TRPM1: variants seen among roughly 807,000 people sequenced by gnomAD.
TRPM1 encodes TRPM1-203 APA Isoform, Intron 10.
A neutral mutation model predicts 149.4 loss-of-function variants in TRPM1; 113 were observed. That is an observed-to-expected ratio of 0.76 (90% CI 0.65 to 0.88). The LOEUF (loss-of-function observed/expected upper bound fraction) is 0.88, where lower values mean the gene tolerates loss of function less well. TRPM1 is among the 40% of genes least tolerant of loss of function. The probability of loss-of-function intolerance (pLI) is 0.00; values close to 1 mark genes in which losing one functional copy is unlikely to be tolerated. For missense variants in TRPM1, 1,976 were observed against 2,038.7 expected, an observed-to-expected ratio of 0.97 and a Z score of 0.59; for synonymous variants, 741 against 759.5, an observed-to-expected ratio of 0.98 and a Z score of 0.40.
chr15:31,050,726 G>A (rs1283217999), intron 11 of TRPM1, 144 bp from the exon 12 acceptor site: 1 of 860,108 alleles, frequency 1.2e-6, no homozygotes, highest in Non-Finnish European at 1.9e-6. Context: ...CCCACACAGT[G>A]CACACATATG....
At chr15:31,066,396 A>G in intron 6 of TRPM1, 149 bp from the exon 7 acceptor site, 1 of 870,444 alleles carries the variant, frequency 1.1e-6, no homozygotes, top group Admixed American at 2.0e-5. Context: ...TATTTTTGCC[A>G]ATTGTTACAT....
chr15:31,088,315 C>G (rs2035061065), intron 1 of TRPM1, among the ~76,000 whole-genome samples: 1 of 152,254 alleles, frequency 6.6e-6, no homozygotes, highest in African/African-American at 2.4e-5. Flanking sequence ...CCAGCCCTGG[C>G]AATCCGCTCG....
Position 31,040,223 on chromosome 15 carries a change from G to A in TRPM1, c.2211C>T (p.Ala737=), listed in dbSNP as rs1197647004. Reference sequence around the variant, plus strand: ...TGAAGTCCCGGTGTTTGGCTGCCACGGCCAGTTTGAGGCAGGTCGAGTTGC... The same window carrying A: ...TGAAGTCCCGGTGTTTGGCTGCCACAGCCAGTTTGAGGCAGGTCGAGTTGC... The part of the protein sequence containing the change: ...NWSNSTCLKL[A]VAAKHRDFIA... The change falls in exon 18 of 28, where the codon GCC becomes GCT. Residue 737 remains alanine (A), a synonymous_variant. Transcript: ENST00000256552. The surrounding 1 kb of genome is among the most constrained non-coding windows in gnomAD (Gnocchi z 4.2). 10 of 1,614,224 alleles carry A rather than the reference G, an allele frequency of 6.2e-6. No homozygotes were observed. The highest frequency in any genetic ancestry group is 1.1e-5 in the South Asian group (1 of 91,084).
intron 27 of TRPM1, among the ~76,000 whole-genome samples, chr15:31,020,358 C>A (rs1166468141): frequency 6.6e-6 from 1 of 152,246 alleles, no homozygotes; most frequent in African/African-American, 2.4e-5. Flanking sequence ...ACACTAGCAT[C>A]TTTGAGGTCT....
intron 1 of TRPM1, among the ~76,000 whole-genome samples, chr15:31,101,329 C>T (rs951184009): frequency 6.6e-6 from 1 of 152,182 alleles, no homozygotes; most frequent in Non-Finnish European, 1.5e-5. Context: ...AGTACTTATC[C>T]CCTCTGTGAA....
chr15:31,029,889 T>C (rs2032984298), intron 23 of TRPM1, among the ~76,000 whole-genome samples: 1 of 151,908 alleles, frequency 6.6e-6, no homozygotes, highest in South Asian at 2.1e-4. Context: ...CCCAATTTAA[T>C]TTAAAAAAAA....
intron 16 of TRPM1, among the ~76,000 whole-genome samples, chr15:31,045,900 C>A (rs1466431063): frequency 6.6e-6 from 1 of 152,018 alleles, no homozygotes; most frequent in African/African-American, 2.4e-5. Flanking sequence ...CTATTGAATT[C>A]TTTTTGGTGT....
chr15:31,128,968 A>G (rs929338151), intron 1 of TRPM1, among the ~76,000 whole-genome samples: 1 of 152,212 alleles, frequency 6.6e-6, no homozygotes, highest in African/African-American at 2.4e-5. Context: ...AGAGTGCATC[A>G]TCTGCGCTTC....
At chr15:31,144,067 G>C (rs886868175) in intron 1 of TRPM1, among the ~76,000 whole-genome samples, 1 of 152,166 alleles carries the variant, frequency 6.6e-6, no homozygotes, top group African/African-American at 2.4e-5. Flanking sequence ...CGCAGGTGCA[G>C]GAATCTCAAT....
intron 1 of TRPM1, among the ~76,000 whole-genome samples, chr15:31,097,714 C>T (rs559305144): frequency 2.6e-5 from 4 of 152,248 alleles, no homozygotes; most frequent in African/African-American, 4.8e-5. Context: ...AAAATATTTC[C>T]GATGTGATCC....
At chr15:31,125,729 C>CAA (rs59878175) in intron 1 of TRPM1, among the ~76,000 whole-genome samples, 817 of 52,722 alleles carry the variant, frequency 0.015, 57 homozygotes, top group East Asian at 0.043. Flanking sequence ...GACTCCGTCT[C>CAA]AAAAAAAAAA....
At chr15:31,109,845 T>C (rs918586338) in intron 1 of TRPM1, among the ~76,000 whole-genome samples, 1 of 152,084 alleles carries the variant, frequency 6.6e-6, no homozygotes, top group African/African-American at 2.4e-5. Flanking sequence ...TCCTGTGAGC[T>C]GGAGCTTGGT....
intron 1 of TRPM1, among the ~76,000 whole-genome samples, chr15:31,140,597 C>A (rs970529800): frequency 6.6e-6 from 1 of 152,122 alleles, no homozygotes; most frequent in Non-Finnish European, 1.5e-5. Context: ...ATCCTTCTTG[C>A]TTCTTCTCTT....
intron 1 of TRPM1, among the ~76,000 whole-genome samples, chr15:31,146,974 C>T (rs1270539437): frequency 1.3e-5 from 2 of 148,702 alleles, no homozygotes; most frequent in Non-Finnish European, 3.0e-5. Flanking sequence ...GTAACAAAAG[C>T]GAAATTCTGT....
In TRPM1 at chr15:31,149,811, G is replaced by A. The variant is rs531283368; in HGVS notation, c.54+11095C>T. Among the ~76,000 whole-genome samples, 40 of 152,294 alleles carry A rather than the reference G, an allele frequency of 2.6e-4. No individual in the cohort carries two copies. The South Asian group carries it at 7.2e-3, about 28-fold the overall frequency. ...TGGGATTACAGGCGTGAGCCACGGC[G>A]CCAGGCCGTGCATCTTTAAAATCCC... On this transcript the variant is annotated intron_variant, in intron 1 of 26. Transcript: ENST00000542188.
rs144308143 is a variant in TRPM1 at position 31,018,737 on chromosome 15, C to A, written c.3629+7402G>T. On this transcript the variant is annotated intron_variant, in intron 27 of 27. Transcript: ENST00000256552. Reference sequence around the variant, plus strand: ...CTGGAGTGCAGGGGTGCAATCTTGGCTCACTGCAAACTCCGCCTCTCCGGT... The same window carrying A: ...CTGGAGTGCAGGGGTGCAATCTTGGATCACTGCAAACTCCGCCTCTCCGGT... Among the ~76,000 whole-genome samples, 13 of 152,350 alleles carry A rather than the reference C, an allele frequency of 8.5e-5. No individual in the cohort carries two copies. In the East Asian group the frequency reaches 2.5e-3, roughly 29 times the overall value.
rs543437632 is a variant in TRPM1 at position 31,038,265 on chromosome 15, A to G, written c.2317-99T>C. The G allele has an allele frequency of 8.1e-6, 11 of 1,362,358 alleles. No homozygotes were observed. The South Asian group carries it at 1.3e-4, about 16-fold the overall frequency. The allele number at this position is 1,362,358 out of a possible 1,614,324, so 84.4% of individuals were successfully genotyped here. On this transcript the variant is annotated intron_variant, in intron 18 of 27. Transcript: ENST00000256552. ...ATTATGACCTTCAACATTATTCAAT[A>G]ACCTAGGAGCCCTGGAATGTTATCC...
chr15:31,088,318 T>C (rs542894201), intron 1 of TRPM1, among the ~76,000 whole-genome samples: 7 of 152,348 alleles, frequency 4.6e-5, no homozygotes, highest in African/African-American at 1.4e-4. Flanking sequence ...GCCCTGGCAA[T>C]CCGCTCGGGT....
chr15:31,149,804 C>T (rs193040867), intron 1 of TRPM1, among the ~76,000 whole-genome samples: 3 of 152,350 alleles, frequency 2.0e-5, no homozygotes, highest in East Asian at 1.9e-4. Flanking sequence ...CAGGCGTGAG[C>T]CACGGCGCCA....
Sources: allele counts gnomAD v4.1 joint callset (sites outside exome capture counted in the v4.1 genomes callset), GRCh38; gene constraint gnomAD v4.1.1; non-coding constraint Gnocchi (gnomAD v3.1); transcripts MANE v1.5; gene names NCBI Gene and HGNC (gene_info 2026-07-23, HGNC 2026-07-21).